Variants in ERICH1 observed in about 807,000 individuals in gnomAD.
The protein encoded by ERICH1 is glutamate rich 1.
A neutral mutation model predicts 39.6 loss-of-function variants in ERICH1; 56 were observed. That is an observed-to-expected ratio of 1.41 (90% CI 1.14 to 1.77). The LOEUF is 1.77. Among genes scored for constraint, ERICH1 ranks in the 40% most tolerant of loss-of-function variants. The pLI, the probability that ERICH1 is intolerant of heterozygous loss-of-function variation, is 0.00. For synonymous variants in ERICH1, 313 were observed against 223.6 expected (o/e 1.40, Z -3.57); for missense variants, 826 against 575.4 (o/e 1.44, Z -4.45).
intron 3 of ERICH1, among the ~76,000 whole-genome samples, chr8:617,278 T>C (rs1011743315): frequency 6.6e-6 from 1 of 152,170 alleles, no homozygotes. Context: ...AGTCAGAATG[T>C]TCCTGGTGGT....
chr8:691,592 T>C (rs1238564094), intron 3 of ERICH1, among the ~76,000 whole-genome samples: 2 of 152,236 alleles, frequency 1.3e-5, no homozygotes, highest in Non-Finnish European at 2.9e-5. Context: ...GAACGCACAT[T>C]TTCTAGTTAA....
chr8:679,739 C>T (rs1805694261), intron 3 of ERICH1, among the ~76,000 whole-genome samples: 2 of 152,238 alleles, frequency 1.3e-5, no homozygotes, highest in African/African-American at 4.8e-5. Flanking sequence ...TCCAACAGGT[C>T]CTGTGACATC....
intron 1 of ERICH1, among the ~76,000 whole-genome samples, chr8:723,778 G>C (rs1036698620): frequency 1.3e-5 from 2 of 151,978 alleles, no homozygotes; most frequent in Non-Finnish European, 2.9e-5. Flanking sequence ...AAATATGCTG[G>C]CCCAGCCACA....
chr8:636,827 G>C (rs996913461), intron 3 of ERICH1, among the ~76,000 whole-genome samples: 3 of 152,352 alleles, frequency 2.0e-5, no homozygotes, highest in South Asian at 2.1e-4. Context: ...CTCCCGTCCA[G>C]AATCCTCCAT....
At chr8:687,228 G>A (rs1807626247) in intron 3 of ERICH1, among the ~76,000 whole-genome samples, 1 of 152,192 alleles carries the variant, frequency 6.6e-6, no homozygotes, top group Non-Finnish European at 1.5e-5. Flanking sequence ...CTCTGTAGCT[G>A]GATCTGAGCA....
chr8:641,669 C>T (rs373088960), intron 3 of ERICH1, among the ~76,000 whole-genome samples: 2 of 152,342 alleles, frequency 1.3e-5, no homozygotes, highest in Non-Finnish European at 2.9e-5. Flanking sequence ...GAGAACGCAG[C>T]GGCCGTCACG....
At chr8:651,758 G>A (rs1411188433) in intron 3 of ERICH1, among the ~76,000 whole-genome samples, 3 of 151,722 alleles carry the variant, frequency 2.0e-5, no homozygotes, top group Non-Finnish European at 4.4e-5. Flanking sequence ...AGGCTGAGAC[G>A]GAGCGGGAGG....
At chr8:642,473 T>C (rs962569111) in intron 3 of ERICH1, among the ~76,000 whole-genome samples, 1 of 150,546 alleles carries the variant, frequency 6.6e-6, no homozygotes, top group East Asian at 2.0e-4. Context: ...GCCTCCCAGA[T>C]AGCTGGGACT....
intron 3 of ERICH1, among the ~76,000 whole-genome samples, chr8:634,905 C>T (rs1198910793): frequency 6.6e-6 from 1 of 152,170 alleles, no homozygotes; most frequent in African/African-American, 2.4e-5. Context: ...GGCAGCGTCC[C>T]GCAAGGACCT....
At chr8:649,645 T>C (rs1799687147) in intron 3 of ERICH1, among the ~76,000 whole-genome samples, 1 of 151,960 alleles carries the variant, frequency 6.6e-6, no homozygotes, top group East Asian at 1.9e-4. Context: ...TGTGAGCCCT[T>C]CCTGCAGGAA....
At chr8:706,008 T>A (rs80195455) in intron 2 of ERICH1, among the ~76,000 whole-genome samples, 4,281 of 152,272 alleles carry the variant, frequency 0.028, 227 homozygotes, top group African/African-American at 0.098. Flanking sequence ...CTTCTTAATG[T>A]TTGGATGCAT....
At chr8:727,254 T>C (rs970092783) in intron 1 of ERICH1, among the ~76,000 whole-genome samples, 3 of 151,942 alleles carry the variant, frequency 2.0e-5, no homozygotes, top group Admixed American at 6.6e-5. Flanking sequence ...ACATTGACAA[T>C]ATGCACACAC....
At chr8:702,223 G>C (rs1472569775) in intron 2 of ERICH1, among the ~76,000 whole-genome samples, 1 of 152,192 alleles carries the variant, frequency 6.6e-6, no homozygotes, top group Non-Finnish European at 1.5e-5. Context: ...GGCGTGAAAG[G>C]CTGTCCAGTT....
intron 2 of ERICH1, among the ~76,000 whole-genome samples, chr8:712,813 G>A: frequency 1.3e-5 from 2 of 152,292 alleles, no homozygotes; most frequent in South Asian, 4.1e-4. Flanking sequence ...TCCTTTATTA[G>A]TTCCAGAAGT....
At chr8:615,152 T>C (rs981000273) in exon 4 of ERICH1, 5 of 621,612 alleles carry the variant, frequency 8.0e-6, no homozygotes, top group South Asian at 1.9e-5. Context: ...CTTAAAAAGT[T>C]ACTATCACAC....
chr8:636,336 C>T (rs925919527), intron 3 of ERICH1, among the ~76,000 whole-genome samples: 2 of 152,336 alleles, frequency 1.3e-5, no homozygotes, highest in Non-Finnish European at 1.5e-5. Flanking sequence ...GCCAAGGCCT[C>T]GGATGTGTGG....
intron 3 of ERICH1, among the ~76,000 whole-genome samples, chr8:636,821 C>T (rs893230375): frequency 6.6e-6 from 1 of 152,232 alleles, no homozygotes; most frequent in Non-Finnish European, 1.5e-5. Context: ...TCTGCCCTCC[C>T]GTCCAGAATC....
chr8:655,465 C>G (rs998694858), intron 3 of ERICH1, among the ~76,000 whole-genome samples: 1 of 152,202 alleles, frequency 6.6e-6, no homozygotes, highest in Non-Finnish European at 1.5e-5. Context: ...GTGTGCGTTT[C>G]GTGTTCTGGA....
At chr8:679,411 C>G (rs1805607916) in intron 3 of ERICH1, among the ~76,000 whole-genome samples, 1 of 146,098 alleles carries the variant, frequency 6.8e-6, no homozygotes, top group South Asian at 2.3e-4. Context: ...CATCACAGCA[C>G]CCAGCCCTCA....
Sources: gnomAD v4.1 joint callset for allele counts (sites outside exome capture counted in the v4.1 genomes callset) on GRCh38, gnomAD v4.1.1 for gene constraint, MANE v1.5 for transcripts, NCBI Gene and HGNC (gene_info 2026-07-23, HGNC 2026-07-21) for gene names.